SEMA3E: variants seen among roughly 807,000 people sequenced by gnomAD.
SEMA3E encodes semaphorin-3E.
In SEMA3E, 49 loss-of-function variants were observed where a neutral mutation model predicts 93.6. The observed-to-expected ratio is 0.52, with a 90% CI of 0.42 to 0.66. The LOEUF (loss-of-function observed/expected upper bound fraction) is 0.66, where lower values mean the gene tolerates loss of function less well. Ranked by LOEUF, SEMA3E falls within the 30% of genes least tolerant of loss-of-function variation. The probability of loss-of-function intolerance (pLI) is 0.00; values close to 1 mark genes in which losing one functional copy is unlikely to be tolerated. For missense variants in SEMA3E, 906 were observed against 964.8 expected, an observed-to-expected ratio of 0.94 and a Z score of 0.81; for synonymous variants, 363 against 330.7, an observed-to-expected ratio of 1.10 and a Z score of -1.06.
chr7:83,464,988 A>G (rs1789719825), intron 4 of SEMA3E, among the ~76,000 whole-genome samples: 1 of 142,922 alleles, frequency 7.0e-6, no homozygotes, highest in Non-Finnish European at 1.5e-5. Flanking sequence ...ACTTGCACGT[A>G]TACACCCAGA....
Position 83,386,479 on chromosome 7 carries a change from A to C in SEMA3E, c.1735+504T>G, listed in dbSNP as rs1787885424. Among the ~76,000 whole-genome samples, 3 of 152,258 alleles carry C rather than the reference A, an allele frequency of 2.0e-5. No homozygotes were observed. The South Asian group carries it at 6.2e-4, about 32-fold the overall frequency. ...TTCCTCCATTCCTAACCCATCAGTT[A>C]CCACCACCCTATCACCTTTATTGAA... On this transcript the variant is annotated intron_variant, in intron 15 of 16. Coordinates refer to ENST00000643230, the MANE Select transcript of SEMA3E (RefSeq NM_012431.3).
At chr7:83,448,297 T>C (rs1789278168) in intron 4 of SEMA3E, among the ~76,000 whole-genome samples, 1 of 152,212 alleles carries the variant, frequency 6.6e-6, no homozygotes, top group African/African-American at 2.4e-5. Flanking sequence ...GGAGTCGATG[T>C]ATTACTTAAT....
chr7:83,374,802 A>G (rs573703888), intron 16 of SEMA3E, among the ~76,000 whole-genome samples: 2 of 152,304 alleles, frequency 1.3e-5, no homozygotes, highest in East Asian at 1.9e-4. Flanking sequence ...ATATGGAGAA[A>G]CAAGGATGAA....
At chr7:83,541,359 G>A (rs1791527043) in intron 1 of SEMA3E, among the ~76,000 whole-genome samples, 2 of 152,058 alleles carry the variant, frequency 1.3e-5, no homozygotes, top group African/African-American at 4.8e-5. Context: ...CACAGTAGAG[G>A]TCAGTAAACA....
rs1293584252 is a variant in SEMA3E, at chr7:83,385,435, T to G, written c.1736-2A>C. On this transcript the variant is annotated splice_acceptor_variant, in intron 15 of 16. Coordinates refer to ENST00000643230, the MANE Select transcript of SEMA3E (RefSeq NM_012431.3). LOFTEE classifies it high-confidence loss of function. Reference sequence around the variant, plus strand: ...CTTCAGTCTTATCCAAAGCATCCCCTACAACAGGAACATTAATGCCATCTT... The same window carrying G: ...CTTCAGTCTTATCCAAAGCATCCCCGACAACAGGAACATTAATGCCATCTT... 1 of 1,613,226 alleles carries G rather than the reference T, an allele frequency of 6.2e-7. No homozygotes were observed.
intron 1 of SEMA3E, among the ~76,000 whole-genome samples, chr7:83,577,561 C>T (rs936294221): frequency 7.2e-5 from 11 of 152,008 alleles, no homozygotes; most frequent in Admixed American, 5.2e-4. Flanking sequence ...TATATTTTGT[C>T]TGTATATTTT....
At chr7:83,559,281 C>T (rs1791979174) in intron 1 of SEMA3E, among the ~76,000 whole-genome samples, 1 of 151,932 alleles carries the variant, frequency 6.6e-6, no homozygotes, top group African/African-American at 2.4e-5. Flanking sequence ...ATACAAGGCT[C>T]CAGCATTGTG....
intron 1 of SEMA3E, among the ~76,000 whole-genome samples, chr7:83,548,986 T>C (rs1791707501): frequency 6.6e-6 from 1 of 152,056 alleles, no homozygotes; most frequent in South Asian, 2.1e-4. Context: ...TATCACAACA[T>C]ATGCTCCAAA....
At chr7:83,426,823 A>C (rs758561006) in intron 4 of SEMA3E, among the ~76,000 whole-genome samples, 1 of 152,060 alleles carries the variant, frequency 6.6e-6, no homozygotes, top group Non-Finnish European at 1.5e-5. Context: ...CCATATTTTG[A>C]TTGCCATTGG....
At chr7:83,524,150 C>T (rs925922208) in intron 1 of SEMA3E, among the ~76,000 whole-genome samples, 5 of 152,052 alleles carry the variant, frequency 3.3e-5, no homozygotes, top group Non-Finnish European at 7.4e-5. Context: ...CTTAGATAAG[C>T]TTGCCTCATA....
chr7:83,512,355 T>C (rs1790843084), intron 1 of SEMA3E, among the ~76,000 whole-genome samples: 1 of 152,220 alleles, frequency 6.6e-6, no homozygotes, highest in Non-Finnish European at 1.5e-5. Flanking sequence ...TGTACACTGT[T>C]AAATTACTTA....
intron 4 of SEMA3E, among the ~76,000 whole-genome samples, chr7:83,435,921 T>C (rs1788994913): frequency 6.6e-6 from 1 of 152,164 alleles, no homozygotes; most frequent in African/African-American, 2.4e-5. Context: ...ATTTTCTGTG[T>C]CTATCATAAA....
intron 1 of SEMA3E, among the ~76,000 whole-genome samples, chr7:83,558,657 A>G (rs958903159): frequency 1.3e-5 from 2 of 152,104 alleles, no homozygotes; most frequent in African/African-American, 4.8e-5. Flanking sequence ...CTATTTTAGT[A>G]TATTTTAATA....
At chr7:83,466,427 A>G (rs199794396) in intron 4 of SEMA3E, 55 bp downstream of exon 4, 19 of 1,599,220 alleles carry the variant, frequency 1.2e-5, no homozygotes, top group Non-Finnish European at 1.5e-5. Flanking sequence ...TTTCTTTGAG[A>G]ACAAGGTTGT....
At chr7:83,504,733 T>C (rs1413897083) in intron 1 of SEMA3E, among the ~76,000 whole-genome samples, 1 of 152,156 alleles carries the variant, frequency 6.6e-6, no homozygotes, top group Non-Finnish European at 1.5e-5. Flanking sequence ...TAACCTGTCG[T>C]GAGGCAAATA....
At chr7:83,511,201 C>T (rs567755683) in intron 1 of SEMA3E, among the ~76,000 whole-genome samples, 1 of 151,348 alleles carries the variant, frequency 6.6e-6, no homozygotes, top group East Asian at 2.0e-4. Context: ...TTAACTCATG[C>T]AGTTATAAAT....
chr7:83,477,591 G>A (rs548081116), intron 2 of SEMA3E, among the ~76,000 whole-genome samples: 1 of 152,068 alleles, frequency 6.6e-6, no homozygotes, highest in South Asian at 2.1e-4. Flanking sequence ...GACAAAATTT[G>A]TATTTTAAAA....
chr7:83,600,066 G>C (rs1358221179), intron 1 of SEMA3E, among the ~76,000 whole-genome samples: 1 of 151,862 alleles, frequency 6.6e-6, no homozygotes, highest in African/African-American at 2.4e-5. Flanking sequence ...TTATGATATG[G>C]CTCCCAATCT....
Position 83,606,641 on chromosome 7 carries a change from T to C in SEMA3E, c.115+41787A>G, listed in dbSNP as rs113514423. ...GTCGGGGGAGGGGGGAGGGATAGCA[T>C]TGGGAGATATACCTAATGCTAGATG... On this transcript the variant is annotated intron_variant, in intron 1 of 16. Coordinates refer to ENST00000643230, the MANE Select transcript of SEMA3E (RefSeq NM_012431.3). Among the ~76,000 whole-genome samples the C allele has an allele frequency of 7.0e-3, 1,012 of 144,074 alleles. 8 individuals are homozygous for C. The highest frequency in any genetic ancestry group is 0.062 in the Middle Eastern group (18 of 288). The allele number at this position is 144,074 out of a possible 152,430, so 94.5% of individuals were successfully genotyped here. A position where few individuals can be genotyped will look rare whatever the true frequency, so the allele number is the denominator to read the frequency against.
Sources: allele counts gnomAD v4.1 joint callset (sites outside exome capture counted in the v4.1 genomes callset), GRCh38; gene constraint gnomAD v4.1.1; transcripts MANE v1.5; gene names NCBI Gene and HGNC (gene_info 2026-07-23, HGNC 2026-07-21).